Variants in THSD7B observed in about 807,000 individuals in gnomAD.
THSD7B encodes thrombospondin type 1 domain containing 7B, also known as thrombospondin type-1 domain-containing protein 7B.
Under a neutral mutation model 213.6 loss-of-function variants are expected in THSD7B, and 138 were observed. That is an observed-to-expected ratio of 0.65 (90% confidence interval 0.56 to 0.74). The LOEUF is 0.74. Among genes scored for constraint, THSD7B ranks in the 30% least tolerant of loss-of-function variants. The pLI is 0.00. For synonymous variants in THSD7B, 742 were observed against 687.0 expected (o/e 1.08, Z -1.25); for missense variants, 1,931 against 1,991.5 (o/e 0.97, Z 0.58).
chr2:136,986,527 C>T (rs1001015628), intron 2 of THSD7B, among the ~76,000 whole-genome samples: 4 of 152,210 alleles, frequency 2.6e-5, no homozygotes, highest in African/African-American at 9.6e-5. Flanking sequence ...AACCAAGAAC[C>T]AGTTAAACCT....
At chr2:137,629,137 G>GA (rs1290437016) in intron 20 of THSD7B, among the ~76,000 whole-genome samples, 2 of 152,144 alleles carry the variant, frequency 1.3e-5, no homozygotes, top group African/African-American at 4.8e-5. Context: ...ACCATAAAAA[G>GA]AAAGTTGAAA....
intron 5 of THSD7B, among the ~76,000 whole-genome samples, chr2:137,120,767 C>T (rs572892725): frequency 2.6e-5 from 4 of 152,292 alleles, no homozygotes; most frequent in South Asian, 4.1e-4. Context: ...TAGCGTGTCA[C>T]GCTACCTAGG....
chr2:137,122,805 G>T (rs967506028), intron 5 of THSD7B, among the ~76,000 whole-genome samples: 6 of 152,078 alleles, frequency 3.9e-5, no homozygotes, highest in African/African-American at 4.8e-5. Flanking sequence ...CCCTGGCTCA[G>T]ACCTGTACCT....
chr2:137,336,341 C>A (rs533482979), intron 12 of THSD7B, among the ~76,000 whole-genome samples: 1 of 152,296 alleles, frequency 6.6e-6, no homozygotes, highest in African/African-American at 2.4e-5. Context: ...TGGCATCTGT[C>A]TTTACTCCAC....
At chr2:137,523,541 C>T (rs1385281640) in intron 15 of THSD7B, among the ~76,000 whole-genome samples, 2 of 152,172 alleles carry the variant, frequency 1.3e-5, no homozygotes, top group Non-Finnish European at 2.9e-5. Flanking sequence ...TGAAAATTTT[C>T]AAGAGCAATT....
At chr2:136,904,156 G>A (rs1180118708) in intron 2 of THSD7B, among the ~76,000 whole-genome samples, 2 of 152,130 alleles carry the variant, frequency 1.3e-5, no homozygotes, top group Non-Finnish European at 2.9e-5. Flanking sequence ...TGTGTAGCGA[G>A]AATATTAGGC....
intron 21 of THSD7B, among the ~76,000 whole-genome samples, chr2:137,645,183 A>G (rs915198384): frequency 6.6e-6 from 1 of 152,226 alleles, no homozygotes; most frequent in African/African-American, 2.4e-5. Context: ...CAGGAAGTAG[A>G]TAAGTTAAAG....
intron 8 of THSD7B, among the ~76,000 whole-genome samples, chr2:137,231,553 A>G (rs1681640156): frequency 6.6e-6 from 1 of 151,140 alleles, no homozygotes; most frequent in Non-Finnish European, 1.5e-5. Context: ...CACCCAAACC[A>G]AAGATAGCTT....
chr2:137,557,073 A>G (rs1197883001), intron 15 of THSD7B, among the ~76,000 whole-genome samples: 1 of 152,152 alleles, frequency 6.6e-6, no homozygotes, highest in Non-Finnish European at 1.5e-5. Context: ...AGAGACTTAG[A>G]CTCCCACACA....
chr2:137,465,681 A>G (rs1687978433), intron 15 of THSD7B, among the ~76,000 whole-genome samples: 1 of 152,112 alleles, frequency 6.6e-6, no homozygotes, highest in African/African-American at 2.4e-5. Flanking sequence ...TGCAAGTGTA[A>G]TAAGACATAT....
intron 15 of THSD7B, among the ~76,000 whole-genome samples, chr2:137,557,063 AG>A (rs942020403): frequency 6.6e-5 from 10 of 152,204 alleles, no homozygotes; most frequent in Admixed American, 2.0e-4. Flanking sequence ...AGACCTACAA[AG>A]AGACTTAGAC....
chr2:137,536,466 C>A (rs1288516588), intron 15 of THSD7B, among the ~76,000 whole-genome samples: 2 of 151,268 alleles, frequency 1.3e-5, no homozygotes, highest in Non-Finnish European at 3.0e-5. Context: ...TCTGTTTAGG[C>A]CATTAAAGTT....
At chr2:137,546,042 GA>G (rs991542005) in intron 15 of THSD7B, among the ~76,000 whole-genome samples, 11 of 149,878 alleles carry the variant, frequency 7.3e-5, no homozygotes, top group African/African-American at 1.2e-4. Context: ...TCTGTACTGA[GA>G]AAAAAAACAT....
chr2:137,244,259 T>A (rs1310461846), intron 10 of THSD7B, among the ~76,000 whole-genome samples: 2 of 152,238 alleles, frequency 1.3e-5, no homozygotes, highest in Non-Finnish European at 2.9e-5. Context: ...TTGTTGATAT[T>A]TAACTATTTA....
chr2:137,112,772 C>CGT (rs112879754), intron 4 of THSD7B, among the ~76,000 whole-genome samples: 5,322 of 149,888 alleles, frequency 0.036, 117 homozygotes, highest in South Asian at 0.077. Context: ...TGTTAATGTA[C>CGT]GTGTGTGTGT....
chr2:137,188,648 A>C (rs1421196685), intron 7 of THSD7B, among the ~76,000 whole-genome samples: 1 of 152,182 alleles, frequency 6.6e-6, no homozygotes, highest in Non-Finnish European at 1.5e-5. Context: ...TTTTATTTGT[A>C]AAGTACATAC....
chr2:137,635,956 C>G (rs1222715399), intron 20 of THSD7B, among the ~76,000 whole-genome samples: 1 of 152,246 alleles, frequency 6.6e-6, no homozygotes, highest in East Asian at 1.9e-4. Context: ...GCCCGTCTTG[C>G]ATCCCAAACT....
chr2:136,957,839 G>T (rs747164570), intron 2 of THSD7B, among the ~76,000 whole-genome samples: 1 of 152,176 alleles, frequency 6.6e-6, no homozygotes, highest in East Asian at 1.9e-4. Flanking sequence ...GCCTAAATAT[G>T]GTCAGTATTT....
Position 137,609,066 on chromosome 2 carries a change from A to G in THSD7B, c.3424-7109A>G, listed in dbSNP as rs114350227. Among the ~76,000 whole-genome samples, 1,158 of 152,214 alleles carry G rather than the reference A, an allele frequency of 7.6e-3. 11 individuals carry two copies. Among genetic ancestry groups the G allele is most frequent in the Middle Eastern group, 0.037 (11 of 294 alleles). On this transcript the variant is annotated intron_variant, in intron 17 of 27. Coordinates refer to ENST00000409968, the MANE Select transcript of THSD7B (RefSeq NM_001316349.2). Reference sequence around the variant, plus strand: ...CTCATTAAACTCATTAGATATCTCAACCCCCTGGGGAGGCTAAGTGATAAA... The same window carrying G: ...CTCATTAAACTCATTAGATATCTCAGCCCCCTGGGGAGGCTAAGTGATAAA...
Sources: gnomAD v4.1 joint callset for allele counts (sites outside exome capture counted in the v4.1 genomes callset) on GRCh38, gnomAD v4.1.1 for gene constraint, MANE v1.5 for transcripts, NCBI Gene and HGNC (gene_info 2026-07-23, HGNC 2026-07-21) for gene names.